MICAL2: variants seen among roughly 807,000 people sequenced by gnomAD.
MICAL2 encodes the protein microtubule associated monooxygenase, calponin and LIM domain containing 2, also known as [F-actin]-monooxygenase MICAL2.
In MICAL2, 77 loss-of-function variants were observed where a neutral mutation model predicts 127.3. The ratio of observed to expected loss-of-function variants is 0.60; its 90% CI spans 0.50 to 0.73. The LOEUF (loss-of-function observed/expected upper bound fraction) is 0.73, where lower values mean the gene tolerates loss of function less well. Among genes scored for constraint, MICAL2 ranks in the 30% least tolerant of loss-of-function variants. MICAL2 has a pLI of 0.00. For missense variants in MICAL2, 1,351 were observed against 1,434.4 expected (o/e 0.94, Z 0.94); for synonymous variants, 570 against 551.1 (o/e 1.03, Z -0.48).
intron 32 of MICAL2, among the ~76,000 whole-genome samples, chr11:12,330,822 G>GAGAGAGAGA (rs1555022632): frequency 0.01 from 1,328 of 129,538 alleles, 61 homozygotes; most frequent in Middle Eastern, 0.032. Flanking sequence ...AGAGAGAGAG[G>GAGAGAGAGA]GAGAGACAGA....
chr11:12,300,252 T>C (rs1989715), intron 29 of MICAL2, among the ~76,000 whole-genome samples: 69,475 of 151,908 alleles, frequency 0.46, 17,365 homozygotes, highest in Non-Finnish European at 0.57. Context: ...TGAGATCACA[T>C]CATTGCCCTC....
chr11:12,276,447 G>T (rs1490958136), intron 1 of MICAL2: 1 of 256,300 alleles, frequency 3.9e-6, no homozygotes, highest in Non-Finnish European at 7.3e-6. Flanking sequence ...CTGGCCCCAT[G>T]CTCTTCTCAG....
At chr11:12,260,958 C>CA in intron 26 of MICAL2, 1 of 985,492 alleles carries the variant, frequency 1.0e-6, no homozygotes, top group Non-Finnish European at 1.2e-6. Flanking sequence ...GGCATTTGAC[C>CA]ATGGAGCTGA....
At chr11:12,313,521 A>G (rs565502065) in intron 29 of MICAL2, among the ~76,000 whole-genome samples, 186 of 152,296 alleles carry the variant, frequency 1.2e-3, no homozygotes, top group African/African-American at 4.2e-3. Flanking sequence ...AGATTTGTTG[A>G]TACTTGCTTT....
intron 32 of MICAL2, among the ~76,000 whole-genome samples, chr11:12,334,105 A>G (rs12221812): frequency 0.12 from 18,890 of 152,218 alleles, 1,453 homozygotes; most frequent in South Asian, 0.22. Context: ...TTGTTAGTCA[A>G]TAGATACTAT....
At chr11:12,186,357 A>G (rs1470005533) in intron 3 of MICAL2, among the ~76,000 whole-genome samples, 2 of 152,132 alleles carry the variant, frequency 1.3e-5, no homozygotes, top group Non-Finnish European at 2.9e-5. Flanking sequence ...AGGTCCATAA[A>G]CTTGTGTAGA....
In MICAL2 at chr11:12,226,238, C is replaced by A. The variant is rs574255304; in HGVS notation, c.1756C>A (p.Arg586=). 6 of 1,614,100 alleles carry A rather than the reference C, an allele frequency of 3.7e-6. No homozygotes were observed. Among genetic ancestry groups the A allele is most frequent in the Admixed American group, 1.7e-5 (1 of 60,008 alleles). The part of the protein sequence containing the change: ...NNQLAFDVAE[R]EFGIPPVTTG... ...CCAGCTCGCATTTGATGTGGCCGAG[C>A]GAGAGTTTGGGATCCCTCCAGTGAC... Residue 586 remains arginine, a synonymous_variant, in exon 14 of 28, where the codon CGA becomes AGA. Coordinates refer to ENST00000683283, the MANE Select transcript of MICAL2 (RefSeq NM_001282663.2).
At chr11:12,242,813 G>C in intron 20 of MICAL2, 41 bp downstream of exon 20, 1 of 1,463,752 alleles carries the variant, frequency 6.8e-7, no homozygotes, top group Non-Finnish European at 9.3e-7. Flanking sequence ...ACCTGATGCT[G>C]GACATCCAGC....
At chr11:12,202,129 A>G (rs1290919592) in intron 3 of MICAL2, among the ~76,000 whole-genome samples, 2 of 152,140 alleles carry the variant, frequency 1.3e-5, no homozygotes, top group African/African-American at 2.4e-5. Context: ...TCTCAAAAAA[A>G]AAAAAGACTT....
intron 17 of MICAL2, among the ~76,000 whole-genome samples, chr11:12,240,553 A>G (rs10765931): frequency 0.16 from 24,757 of 151,990 alleles, 2,476 homozygotes; most frequent in Non-Finnish European, 0.22. Context: ...GAGACTTGTA[A>G]CTCTCCACAA....
chr11:12,178,290 T>C (rs947463882), intron 3 of MICAL2, among the ~76,000 whole-genome samples: 40 of 152,308 alleles, frequency 2.6e-4, no homozygotes, highest in African/African-American at 9.6e-4. Flanking sequence ...CCAACTTTTG[T>C]AAAATGTTTG....
chr11:12,233,559 CAAAT>C (rs1411621087), intron 15 of MICAL2, among the ~76,000 whole-genome samples: 1 of 152,110 alleles, frequency 6.6e-6, no homozygotes, highest in Non-Finnish European at 1.5e-5. Flanking sequence ...TTGTGCTGAT[CAAAT>C]AAATGTTCAG....
intron 32 of MICAL2, among the ~76,000 whole-genome samples, chr11:12,344,365 A>G (rs1423129775): frequency 6.6e-6 from 1 of 151,620 alleles, no homozygotes; most frequent in Non-Finnish European, 1.5e-5. Context: ...GTCTTTGAAA[A>G]CTCATGGAGA....
chr11:12,284,654 G>A (rs1260769116), intron 2 of MICAL2, among the ~76,000 whole-genome samples: 2 of 152,156 alleles, frequency 1.3e-5, no homozygotes, highest in Admixed American at 6.5e-5. Flanking sequence ...GTGATTAAGA[G>A]GCTAGCTTTG....
chr11:12,201,501 A>T (rs901282), intron 3 of MICAL2, among the ~76,000 whole-genome samples: 61,055 of 151,378 alleles, frequency 0.4, 14,456 homozygotes, highest in Middle Eastern at 0.55. Context: ...CCCTTGCCTG[A>T]CGCCTTGCTG....
intron 15 of MICAL2, among the ~76,000 whole-genome samples, chr11:12,228,937 G>A (rs1290852645): frequency 6.6e-6 from 1 of 152,148 alleles, no homozygotes; most frequent in Non-Finnish European, 1.5e-5. Flanking sequence ...TGGGGTAGGG[G>A]CAGTTGTAAG....
At chr11:12,297,938 G>T in intron 29 of MICAL2, among the ~76,000 whole-genome samples, 2 of 150,208 alleles carry the variant, frequency 1.3e-5, no homozygotes, top group Non-Finnish European at 1.5e-5. Flanking sequence ...TTTATTTTAG[G>T]TATTTTACTA....
In MICAL2 at chr11:12,299,922, G is replaced by A. The variant is rs77571445; in HGVS notation, c.5212+5065G>A. On this transcript the variant is annotated intron_variant, in intron 29 of 34. Coordinates refer to the MICAL2 transcript ENST00000646065. ...TATTTGGTTTTACTTTATAAAAATT[G>A]AATCATTCATTATTGTGGTAGGCAG... Among the ~76,000 whole-genome samples, 1,314 of 152,246 alleles carry A rather than the reference G, an allele frequency of 8.6e-3. 22 individuals carry two copies. Among genetic ancestry groups the A allele is most frequent in the African/African-American group, 0.03 (1,267 of 41,542 alleles).
chr11:12,319,648 C>G lies in MICAL2; in HGVS notation c.5213-48C>G, dbSNP rs757590910. 3.7e-6 allele frequency: 5 copies of G among 1,369,506 alleles called. No homozygotes were observed. In the African/African-American group the frequency reaches 7.2e-5, roughly 20 times the overall value. The allele number at this position is 1,369,506 out of a possible 1,614,324, so 84.8% of individuals were successfully genotyped here. The stretch of plus-strand genomic sequence containing the variant: ...GAAGCAGCAGCTTTGGTTCATAAAG[C>G]AGGAAATGAAGCTAGCAGTTCATTG... On this transcript the variant is annotated intron_variant, in intron 29 of 34. Transcript: ENST00000646065.
Sources: allele counts gnomAD v4.1 joint callset (sites outside exome capture counted in the v4.1 genomes callset), GRCh38; gene constraint gnomAD v4.1.1; transcripts MANE v1.5; gene names NCBI Gene and HGNC (gene_info 2026-07-23, HGNC 2026-07-21).